Variants in CACNB2 observed in about 807,000 individuals in gnomAD.
The protein encoded by CACNB2 is calcium voltage-gated channel auxiliary subunit beta 2, also known as voltage-dependent L-type calcium channel subunit beta-2.
A neutral mutation model predicts 73.3 loss-of-function variants in CACNB2; 42 were observed. The observed-to-expected ratio is 0.57, with a 90% CI of 0.45 to 0.74. The LOEUF (loss-of-function observed/expected upper bound fraction) is 0.74, where lower values mean the gene tolerates loss of function less well. Among genes scored for constraint, CACNB2 ranks in the 30% least tolerant of loss-of-function variants. The pLI is 0.00. For synonymous variants in CACNB2, 348 were observed against 310.3 expected (o/e 1.12, Z -1.28); for missense variants, 940 against 853.0 (o/e 1.10, Z -1.27).
At chr10:18,145,755 A>C (rs1457135591) in intron 1 of CACNB2, among the ~76,000 whole-genome samples, 1 of 152,134 alleles carries the variant, frequency 6.6e-6, no homozygotes, top group African/African-American at 2.4e-5. Context: ...TTACAAACTA[A>C]TTGTAACAAT....
rs1451181006 is a variant in CACNB2, at chr10:18,542,276, A to G, written c.*2552A>G. On this transcript the variant is annotated 3_prime_UTR_variant, in exon 14 of 14. Coordinates refer to ENST00000324631, the MANE Select transcript of CACNB2 (RefSeq NM_201596.3). ...CCCTCAGTTCGTTAATTAGCCCTAC[A>G]CTGTTTACATAAATTTATTTACTGA... 3.3e-5 allele frequency: 5 copies of G among 152,202 alleles called. No homozygotes were observed. The highest frequency in any genetic ancestry group is 1.2e-4 in the African/African-American group (5 of 41,452). 9.4% of individuals were successfully genotyped at this position (152,202 alleles called of 1,614,324 possible).
At chr10:18,386,616 C>T (rs547580837) in intron 2 of CACNB2, among the ~76,000 whole-genome samples, 114 of 152,132 alleles carry the variant, frequency 7.5e-4, no homozygotes, top group African/African-American at 2.6e-3. Flanking sequence ...CCGTGTTAGC[C>T]AGGACGGTCT....
intron 3 of CACNB2, among the ~76,000 whole-genome samples, chr10:18,425,198 G>T (rs1031804037): frequency 6.6e-6 from 1 of 152,014 alleles, no homozygotes; most frequent in East Asian, 1.9e-4. Context: ...TTCTATAAAC[G>T]TACAAGAGGA....
At chr10:18,437,120 T>C (rs1398204990) in intron 3 of CACNB2, among the ~76,000 whole-genome samples, 1 of 152,234 alleles carries the variant, frequency 6.6e-6, no homozygotes, top group Admixed American at 6.5e-5. Flanking sequence ...CACTTGTAAA[T>C]ATTGGATGCT....
intron 2 of CACNB2, among the ~76,000 whole-genome samples, chr10:18,163,902 G>C (rs1359091012): frequency 2.6e-5 from 4 of 152,164 alleles, no homozygotes; most frequent in African/African-American, 9.7e-5. Context: ...TGGAGAAGCA[G>C]TGCTTTCACT....
chr10:18,224,654 G>A (rs2035920141), intron 2 of CACNB2, among the ~76,000 whole-genome samples: 2 of 152,180 alleles, frequency 1.3e-5, no homozygotes, highest in Admixed American at 6.5e-5. Context: ...GTGTCAGAGA[G>A]TAGGAGGTTA....
chr10:18,413,652 G>A lies in CACNB2; in HGVS notation c.333+11609G>A, dbSNP rs563744922. Among the ~76,000 whole-genome samples, 14 of 152,286 alleles carry A rather than the reference G, an allele frequency of 9.2e-5. No individual in the cohort carries two copies. In the South Asian group the frequency reaches 2.9e-3, roughly 32 times the overall value. Reference sequence around the variant, plus strand: ...AGAAGGGAAATATTGCAGGGGCAGGGGTCATGCATTCTCTATGCAACTGCT... The same window carrying A: ...AGAAGGGAAATATTGCAGGGGCAGGAGTCATGCATTCTCTATGCAACTGCT... On this transcript the variant is annotated intron_variant, in intron 3 of 13. Coordinates refer to ENST00000324631, the MANE Select transcript of CACNB2 (RefSeq NM_201596.3).
In CACNB2 at chr10:18,286,527, A is replaced by G. The variant is rs2038809537; in HGVS notation, c.214-115397A>G. 3.9e-5 allele frequency among the ~76,000 whole-genome samples: 3 copies of G among 76,152 alleles called. No individual in the cohort carries two copies. In the South Asian group the frequency reaches 1.0e-3, roughly 26 times the overall value. 50.0% of individuals were successfully genotyped at this position (76,152 alleles called of 152,430 possible). ...AGCGAGATTCTGTCTCAAAAAAAAAAAAAAAAAAAAAAAAAAAAAAAAAAG... is the reference window on the plus strand; with the variant it reads ...AGCGAGATTCTGTCTCAAAAAAAAAGAAAAAAAAAAAAAAAAAAAAAAAAG... On this transcript the variant is annotated intron_variant, in intron 2 of 13. Transcript: ENST00000324631.
chr10:18,221,770 A>T (rs902120126), intron 2 of CACNB2, among the ~76,000 whole-genome samples: 1 of 152,196 alleles, frequency 6.6e-6, no homozygotes, highest in Non-Finnish European at 1.5e-5. Context: ...AAGAAGTAAA[A>T]TGTTTGAAAA....
At chr10:18,495,136 T>G (rs577923749) in intron 3 of CACNB2, among the ~76,000 whole-genome samples, 1 of 152,184 alleles carries the variant, frequency 6.6e-6, no homozygotes, top group South Asian at 2.1e-4. Flanking sequence ...TACAAACATT[T>G]TTCAAAGCAG....
At chr10:18,500,992 C>G (rs1374214455) in intron 5 of CACNB2, 44 bp downstream of exon 5, 1 of 1,570,138 alleles carries the variant, frequency 6.4e-7, no homozygotes, top group Admixed American at 1.7e-5. Flanking sequence ...TTAGATTATA[C>G]CACTATCTGT....
intron 2 of CACNB2, among the ~76,000 whole-genome samples, chr10:18,162,176 A>T (rs1446343597): frequency 1.3e-5 from 2 of 152,206 alleles, no homozygotes; most frequent in Non-Finnish European, 2.9e-5. Context: ...AAGTAATTTT[A>T]TACTTCCATT....
intron 2 of CACNB2, among the ~76,000 whole-genome samples, chr10:18,348,710 C>T (rs901454525): frequency 5.3e-5 from 8 of 152,144 alleles, no homozygotes; most frequent in African/African-American, 1.9e-4. Context: ...ACCAGTTTGG[C>T]CAGGCTGGTC....
chr10:18,471,100 T>A (rs1209707741), intron 3 of CACNB2, among the ~76,000 whole-genome samples: 2 of 151,416 alleles, frequency 1.3e-5, no homozygotes, highest in Admixed American at 1.3e-4. Context: ...AGGTTAGGAG[T>A]TCAAGACCAG....
At chr10:18,191,213 C>A (rs1476046024) in intron 2 of CACNB2, among the ~76,000 whole-genome samples, 3 of 152,158 alleles carry the variant, frequency 2.0e-5, no homozygotes, top group Admixed American at 6.5e-5. Flanking sequence ...ATTGGAATAA[C>A]CCTGTAGATA....
chr10:18,189,123 A>C (rs1361309912), intron 2 of CACNB2, among the ~76,000 whole-genome samples: 1 of 152,146 alleles, frequency 6.6e-6, no homozygotes. Context: ...TACTGTGTCC[A>C]ACTACAGATT....
At chr10:18,442,945 T>TAC (rs2046504241) in intron 3 of CACNB2, among the ~76,000 whole-genome samples, 6 of 24,428 alleles carry the variant, frequency 2.5e-4, no homozygotes, top group Non-Finnish European at 3.1e-4. Flanking sequence ...TATATATGTG[T>TAC]ATATATATAT....
chr10:18,356,042 G>A (rs568898433), intron 2 of CACNB2, among the ~76,000 whole-genome samples: 33 of 152,236 alleles, frequency 2.2e-4, no homozygotes, highest in African/African-American at 7.9e-4. Flanking sequence ...ATTGCTCCAC[G>A]GAGACTCTGG....
rs1276510070 is a variant in CACNB2, at chr10:18,538,334, C to T, written c.1457C>T (p.Pro486Leu). ...LSRTLATSSL[P>L]LSPTLASNSQ... ...CGTACATTAGCCACTTCAAGTCTGCCTCTTAGCCCCACCCTAGCCTCTAAT... is the reference window on the plus strand; with the variant it reads ...CGTACATTAGCCACTTCAAGTCTGCTTCTTAGCCCCACCCTAGCCTCTAAT... Residue 486 changes from proline to leucine, a missense_variant, in exon 13 of 14, where the codon CCT (proline) becomes CTT (leucine). Coordinates refer to ENST00000324631, the MANE Select transcript of CACNB2 (RefSeq NM_201596.3). The T allele has an allele frequency of 1.2e-6, 2 of 1,614,134 alleles. No homozygotes were observed. Among genetic ancestry groups the T allele is most frequent in the Non-Finnish European group, 1.7e-6 (2 of 1,179,994 alleles).
Sources: allele counts gnomAD v4.1 joint callset (sites outside exome capture counted in the v4.1 genomes callset), GRCh38; gene constraint gnomAD v4.1.1; transcripts MANE v1.5; gene names NCBI Gene and HGNC (gene_info 2026-07-23, HGNC 2026-07-21).